C1orf87: variants seen among roughly 807,000 people sequenced by gnomAD.
C1orf87 encodes uncharacterized protein C1orf87.
C1orf87 carries 58 observed loss-of-function variants against 60.5 expected under a neutral mutation model. That is an observed-to-expected ratio of 0.96 (90% CI 0.78 to 1.19). The LOEUF is 1.19. C1orf87 is among the 50% of genes most tolerant of loss of function. The pLI is 0.00. For synonymous variants in C1orf87, 236 were observed against 227.4 expected, an observed-to-expected ratio of 1.04 and a Z score of -0.34; for missense variants, 673 against 638.6, an observed-to-expected ratio of 1.05 and a Z score of -0.58.
chr1:60,027,189 C>T (rs1392982709), intron 7 of C1orf87, among the ~76,000 whole-genome samples: 1 of 152,182 alleles, frequency 6.6e-6, no homozygotes, highest in Non-Finnish European at 1.5e-5. Context: ...CCTGGAGAGA[C>T]TGCCCTTCCT....
At chr1:60,003,895 C>T (rs1182630338) in intron 9 of C1orf87, among the ~76,000 whole-genome samples, 1 of 151,982 alleles carries the variant, frequency 6.6e-6, no homozygotes, top group African/African-American at 2.4e-5. Context: ...ATATCTACCC[C>T]AGATGCTATA....
chr1:60,071,396 A>G (rs753738556), intron 2 of C1orf87, among the ~76,000 whole-genome samples: 18 of 152,186 alleles, frequency 1.2e-4, no homozygotes, highest in Admixed American at 5.2e-4. Context: ...CATTTTCCCA[A>G]TGTCAAAAAG....
chr1:60,034,916 A>G (rs975432597), intron 6 of C1orf87, among the ~76,000 whole-genome samples: 2 of 150,894 alleles, frequency 1.3e-5, no homozygotes, highest in Admixed American at 1.3e-4. Context: ...TCCAAAGGTG[A>G]TATTATTTCC....
chr1:59,990,764 C>T lies in C1orf87; in HGVS notation c.1550G>A (p.Ser517Asn). ...CAAGGCCTGGTCGATTTTCTGAGGG[C>T]TCAGGGACAGGTTGTAAATGAGATT... Reference protein sequence around the residue: ...NYNLIYNLSLSPQKIDQALRR... With the variant: ...NYNLIYNLSLNPQKIDQALRR... Residue 517 changes from serine to asparagine, a missense_variant, in exon 12 of 12, where the codon AGC becomes AAC. Coordinates refer to ENST00000371201, the MANE Select transcript of C1orf87 (RefSeq NM_152377.3). The T allele has an allele frequency of 6.2e-7, 1 of 1,614,046 alleles. No individual in the cohort carries two copies. Among genetic ancestry groups the T allele is most frequent in the Non-Finnish European group, 8.5e-7 (1 of 1,179,956 alleles).
intron 9 of C1orf87, among the ~76,000 whole-genome samples, chr1:60,006,088 C>G (rs1314156325): frequency 6.6e-6 from 1 of 152,022 alleles, no homozygotes; most frequent in Non-Finnish European, 1.5e-5. Flanking sequence ...AAAGTTCTCT[C>G]CTTCTTAGGA....
chr1:60,035,656 G>A (rs145689678), intron 6 of C1orf87, among the ~76,000 whole-genome samples: 218 of 152,324 alleles, frequency 1.4e-3, no homozygotes, highest in African/African-American at 5.1e-3. Flanking sequence ...AGCTCAAAAT[G>A]ATTTCTTCAT....
chr1:59,999,382 A>G (rs1028154668), intron 10 of C1orf87, among the ~76,000 whole-genome samples: 5 of 152,170 alleles, frequency 3.3e-5, no homozygotes, highest in African/African-American at 4.8e-5. Flanking sequence ...TACTTTTTTT[A>G]GAGCATTGGA....
chr1:60,064,656 TAAATATATAA>T (rs1645524422), intron 2 of C1orf87, among the ~76,000 whole-genome samples: 1 of 110,576 alleles, frequency 9.0e-6, no homozygotes, highest in Non-Finnish European at 1.7e-5. Context: ...TTTTATATAT[TAAATATATAA>T]TTATATATAA....
At chr1:60,027,868 A>G (rs1185639685) in intron 7 of C1orf87, among the ~76,000 whole-genome samples, 1 of 152,140 alleles carries the variant, frequency 6.6e-6, no homozygotes, top group Non-Finnish European at 1.5e-5. Flanking sequence ...ATATATTTTG[A>G]CATTATCTGT....
chr1:60,040,839 C>T lies in C1orf87; in HGVS notation c.483+152G>A, dbSNP rs1417117050. 1.1e-5 allele frequency: 8 copies of T among 714,448 alleles called. No homozygotes were observed. In the East Asian group the frequency reaches 2.4e-4, roughly 22 times the overall value. 44.3% of individuals were successfully genotyped at this position (714,448 alleles called of 1,614,324 possible). On this transcript the variant is annotated intron_variant, in intron 4 of 11. Coordinates refer to ENST00000371201, the MANE Select transcript of C1orf87 (RefSeq NM_152377.3). ...AACTTCTGGCTTCAAGTGATCCTCC[C>T]AGCTTGGCTTCTCAAAGTGCTGGCA...
chr1:60,023,589 C>T (rs995824843), intron 8 of C1orf87, among the ~76,000 whole-genome samples: 3 of 152,034 alleles, frequency 2.0e-5, no homozygotes, highest in Admixed American at 2.0e-4. Context: ...TTTTCATATA[C>T]TTCATACTTG....
In C1orf87 at chr1:60,001,086, A is replaced by T; in HGVS notation, c.1263T>A (p.Thr421=). 2 of 1,608,878 alleles carry T rather than the reference A, an allele frequency of 1.2e-6. No homozygotes were observed. Among genetic ancestry groups the T allele is most frequent in the Non-Finnish European group, 1.7e-6 (2 of 1,176,860 alleles). The change falls in exon 10 of 12, where the codon ACT becomes ACA. Residue 421 remains threonine (T), a synonymous_variant. Transcript: ENST00000371201. ...PEVPEMSQSK[T]EHMKTPEEEL... ...TACCCCAGGTGCATACCATATGTTC[A>T]GTTTTGCTTTGAGACATCTCGGGGA...
At chr1:60,047,466 T>C (rs1427497701) in intron 3 of C1orf87, among the ~76,000 whole-genome samples, 2 of 152,228 alleles carry the variant, frequency 1.3e-5, no homozygotes, top group African/African-American at 4.8e-5. Flanking sequence ...TGTATCTTCA[T>C]TGCTTTCGTT....
At chr1:60,069,392 A>G (rs1434929632) in intron 2 of C1orf87, among the ~76,000 whole-genome samples, 1 of 152,148 alleles carries the variant, frequency 6.6e-6, no homozygotes, top group East Asian at 1.9e-4. Flanking sequence ...CTACACATTC[A>G]GGAGCAAAAC....
intron 3 of C1orf87, among the ~76,000 whole-genome samples, chr1:60,043,445 G>A (rs552567061): frequency 1.9e-4 from 29 of 152,166 alleles, no homozygotes; most frequent in African/African-American, 6.7e-4. Context: ...ACAGTGGCGC[G>A]ATCTCGGCTC....
chr1:60,028,378 G>A (rs1039842848), intron 7 of C1orf87, among the ~76,000 whole-genome samples: 1 of 152,152 alleles, frequency 6.6e-6, no homozygotes, highest in Non-Finnish European at 1.5e-5. Context: ...AGAACTGACT[G>A]CTGCCAGTTA....
In C1orf87 at chr1:60,072,625, T is replaced by G. The variant is rs765134821; in HGVS notation, c.19A>C (p.Thr7Pro). The change falls in exon 2 of 12, where the codon ACT becomes CCT. Residue 7 changes from threonine to proline, a missense_variant. By Grantham distance (38) the Thr-to-Pro change is conservative (BLOSUM62 -1). Coordinates refer to ENST00000371201, the MANE Select transcript of C1orf87 (RefSeq NM_152377.3). MSSAWK[T>P]PRGSDAMPEI... ...GGCATTGCATCTGATCCACGGGGAG[T>G]CTTCCAGGCTGAAGACATGATTCCT... is the stretch of plus-strand genomic sequence containing the variant. The G allele has an allele frequency of 3.1e-6, 5 of 1,611,608 alleles. No individual in the cohort carries two copies. Among genetic ancestry groups the G allele is most frequent in the Non-Finnish European group, 4.2e-6 (5 of 1,179,558 alleles).
intron 8 of C1orf87, among the ~76,000 whole-genome samples, chr1:60,022,747 T>G (rs1645172694): frequency 1.3e-5 from 2 of 152,078 alleles, no homozygotes; most frequent in Non-Finnish European, 2.9e-5. Flanking sequence ...CCAGCATGAC[T>G]ACTTTTTTGC....
chr1:60,063,783 A>G (rs966289910), intron 2 of C1orf87, among the ~76,000 whole-genome samples: 1 of 152,180 alleles, frequency 6.6e-6, no homozygotes, highest in African/African-American at 2.4e-5. Flanking sequence ...GCAGAAAAGC[A>G]GCAGGTATAT....
Sources: allele counts gnomAD v4.1 joint callset (sites outside exome capture counted in the v4.1 genomes callset), GRCh38; gene constraint gnomAD v4.1.1; transcripts MANE v1.5; gene names NCBI Gene and HGNC (gene_info 2026-07-23, HGNC 2026-07-21).